SEMA3A: variants seen among roughly 807,000 people sequenced by gnomAD.
SEMA3A encodes the protein semaphorin 3A, also known as semaphorin-3A.
In SEMA3A, 29 loss-of-function variants were observed where a neutral mutation model predicts 97.9. The ratio of observed to expected loss-of-function variants is 0.30; its 90% CI spans 0.22 to 0.40. The LOEUF (loss-of-function observed/expected upper bound fraction) is 0.40. Among genes scored for constraint, SEMA3A ranks in the 10% least tolerant of loss-of-function variants. The pLI is 1.00. For synonymous variants in SEMA3A, 321 were observed against 323.7 expected, an observed-to-expected ratio of 0.99 and a Z score of 0.09; for missense variants, 763 against 951.3, an observed-to-expected ratio of 0.80 and a Z score of 2.60.
At chr7:84,063,204 G>C (rs914121094) in intron 4 of SEMA3A, among the ~76,000 whole-genome samples, 1 of 151,524 alleles carries the variant, frequency 6.6e-6, no homozygotes, top group East Asian at 2.0e-4. Context: ...CTGCAGCTGA[G>C]GGTCCTGTCT....
intron 16 of SEMA3A, 78 bp from the exon 17 acceptor site, chr7:83,961,904 A>C: frequency 8.9e-7 from 1 of 1,123,446 alleles, no homozygotes; most frequent in Non-Finnish European, 1.3e-6. Context: ...GTGTCTGTAA[A>C]ACTTTAGATT....
chr7:84,195,304 T>C (rs916617461), upstream of SEMA3A: 1 of 152,186 alleles, frequency 6.6e-6, no homozygotes, highest in African/African-American at 2.4e-5. Context: ...AGGCAAGCGT[T>C]GTTTTATAGC....
chr7:84,206,274 C>G (rs937826559), intron 3 of SEMA3A, among the ~76,000 whole-genome samples: 1 of 150,646 alleles, frequency 6.6e-6, no homozygotes, highest in African/African-American at 2.4e-5. Flanking sequence ...CAATTTTACT[C>G]TGGTGAATTT....
At chr7:84,121,067 A>G (rs2115986135) in intron 3 of SEMA3A, among the ~76,000 whole-genome samples, 1 of 150,354 alleles carries the variant, frequency 6.7e-6, no homozygotes, top group Non-Finnish European at 1.5e-5. Flanking sequence ...TGTTATGTTT[A>G]TTGCACCGGA....
intron 1 of SEMA3A, among the ~76,000 whole-genome samples, chr7:84,380,547 G>T (rs1200518831): frequency 1.3e-5 from 2 of 152,092 alleles, no homozygotes; most frequent in Non-Finnish European, 2.9e-5. Flanking sequence ...TGGAGATTAT[G>T]AATAAATTCA....
chr7:84,184,416 G>A (rs1256504977), intron 1 of SEMA3A, among the ~76,000 whole-genome samples: 1 of 152,126 alleles, frequency 6.6e-6, no homozygotes, highest in Non-Finnish European at 1.5e-5. Flanking sequence ...GCCAGTGCGG[G>A]AGAGCCTAGC....
chr7:84,060,706 T>C (rs1793181785), intron 4 of SEMA3A, 148 bp from the exon 5 acceptor site: 1 of 511,466 alleles, frequency 2.0e-6, no homozygotes, highest in African/African-American at 2.0e-5. Context: ...GATGGCAAAA[T>C]AAATCAAGTG....
intron 1 of SEMA3A, among the ~76,000 whole-genome samples, chr7:84,375,951 T>C (rs1803085990): frequency 6.6e-6 from 1 of 152,228 alleles, no homozygotes; most frequent in Admixed American, 6.5e-5. Flanking sequence ...TATTTACCTT[T>C]CTGTGCCTGA....
At chr7:84,154,681 A>G (rs1461791715) in intron 1 of SEMA3A, among the ~76,000 whole-genome samples, 1 of 15,630 alleles carries the variant, frequency 6.4e-5, no homozygotes, top group African/African-American at 1.2e-4. Flanking sequence ...GTCTCAGGGA[A>G]AAAAAAAAAC....
At chr7:84,246,238 T>G (rs1799473989) in intron 3 of SEMA3A, among the ~76,000 whole-genome samples, 1 of 152,214 alleles carries the variant, frequency 6.6e-6, no homozygotes, top group African/African-American at 2.4e-5. Flanking sequence ...TAGGCTATCC[T>G]GCCCAGGAAT....
At chr7:84,470,049 A>G (rs1806108070) in intron 1 of SEMA3A, among the ~76,000 whole-genome samples, 1 of 151,830 alleles carries the variant, frequency 6.6e-6, no homozygotes, top group Non-Finnish European at 1.5e-5. Context: ...TAATTTGGAA[A>G]TGCTTTTATC....
chr7:84,314,840 G>A lies in SEMA3A; in HGVS notation c.-168-7548C>T, dbSNP rs111506856. ...TTGAGGAAATTGCCAGCTAAGACTCGATTAGAAAGTCATTTTTTCAAGTAA... is the reference window on the plus strand; with the variant it reads ...TTGAGGAAATTGCCAGCTAAGACTCAATTAGAAAGTCATTTTTTCAAGTAA... On this transcript the variant is annotated intron_variant, in intron 2 of 3. Coordinates refer to the SEMA3A transcript ENST00000424555. 6.6e-5 allele frequency among the ~76,000 whole-genome samples: 10 copies of A among 152,190 alleles called. 1 individual carries two copies. The highest frequency in any genetic ancestry group is 1.3e-4 in the Admixed American group (2 of 15,280).
chr7:84,341,392 C>T (rs1010521848), intron 2 of SEMA3A, among the ~76,000 whole-genome samples: 1 of 151,892 alleles, frequency 6.6e-6, no homozygotes, highest in Admixed American at 6.6e-5. Context: ...TTAGGTTTTC[C>T]ACCTTTTAGA....
chr7:84,087,401 G>T (rs186894159), intron 4 of SEMA3A, among the ~76,000 whole-genome samples: 64 of 152,268 alleles, frequency 4.2e-4, no homozygotes, highest in African/African-American at 1.5e-3. Flanking sequence ...CATTTCTACA[G>T]CATTTGTTGT....
chr7:84,474,560 A>C (rs902889046), intron 1 of SEMA3A, among the ~76,000 whole-genome samples: 4 of 152,178 alleles, frequency 2.6e-5, no homozygotes, highest in Non-Finnish European at 5.9e-5. Context: ...TGTAATGAGG[A>C]AGATGACTCT....
At chr7:84,218,704 G>C (rs550692984) in intron 3 of SEMA3A, among the ~76,000 whole-genome samples, 3 of 152,016 alleles carry the variant, frequency 2.0e-5, no homozygotes, top group Non-Finnish European at 4.4e-5. Flanking sequence ...TTTCAACTGA[G>C]TATGGTAATA....
chr7:84,411,243 T>C (rs538740301), intron 1 of SEMA3A, among the ~76,000 whole-genome samples: 2 of 152,232 alleles, frequency 1.3e-5, no homozygotes, highest in South Asian at 2.1e-4. Context: ...TTTTTTATAA[T>C]ATTGCAAAAT....
chr7:84,384,263 T>A (rs1292154091), intron 1 of SEMA3A, among the ~76,000 whole-genome samples: 1 of 152,208 alleles, frequency 6.6e-6, no homozygotes, highest in East Asian at 1.9e-4. Flanking sequence ...TTATTTTAGG[T>A]CTGTGTATTA....
At chr7:84,195,004 CAGAGAGAGAGAGAGAGAGAA>C (rs1327418514), upstream of SEMA3A, 3 of 137,364 alleles carry the variant, frequency 2.2e-5, no homozygotes, top group South Asian at 2.6e-4. Context: ...GAAAGGGAAA[CAGAGAGAGAGAGAGAGAGAA>C]AGAGAGAGAG....
Sources: allele counts gnomAD v4.1 joint callset (sites outside exome capture counted in the v4.1 genomes callset), GRCh38; gene constraint gnomAD v4.1.1; transcripts MANE v1.5; gene names NCBI Gene and HGNC (gene_info 2026-07-23, HGNC 2026-07-21).